Variants in TRPM3 observed in about 807,000 individuals in gnomAD.
TRPM3 encodes the protein long transient receptor potential channel 3.
Under a neutral mutation model 181.2 loss-of-function variants are expected in TRPM3, and 77 were observed. The observed-to-expected ratio is 0.42, with a 90% CI of 0.35 to 0.51. The LOEUF (loss-of-function observed/expected upper bound fraction) is 0.51. Among genes scored for constraint, TRPM3 ranks in the 20% least tolerant of loss-of-function variants. TRPM3 has a pLI of 0.01. For missense variants in TRPM3, 1,759 were observed against 2,196.7 expected, an observed-to-expected ratio of 0.80 and a Z score of 3.98; for synonymous variants, 745 against 796.4, an observed-to-expected ratio of 0.94 and a Z score of 1.09.
At chr9:70,959,840 C>T (rs1293414477) in intron 1 of TRPM3, among the ~76,000 whole-genome samples, 1 of 152,150 alleles carries the variant, frequency 6.6e-6, no homozygotes, top group Non-Finnish European at 1.5e-5. Flanking sequence ...TTCCATTTCA[C>T]AAAACACACA....
intron 1 of TRPM3, among the ~76,000 whole-genome samples, chr9:71,224,641 G>A (rs916097903): frequency 3.9e-5 from 6 of 151,942 alleles, no homozygotes; most frequent in African/African-American, 1.5e-4. Flanking sequence ...GAAATTCAAA[G>A]AAATTTAAGA....
chr9:71,079,375 A>G (rs779766803), intron 1 of TRPM3, among the ~76,000 whole-genome samples: 1 of 152,174 alleles, frequency 6.6e-6, no homozygotes, highest in Non-Finnish European at 1.5e-5. Context: ...CTTCTGTCAT[A>G]AGGAACTTGT....
At chr9:70,811,895 T>C (rs2092109989) in intron 6 of TRPM3, among the ~76,000 whole-genome samples, 1 of 152,188 alleles carries the variant, frequency 6.6e-6, no homozygotes, top group African/African-American at 2.4e-5. Flanking sequence ...TTTCTCTCTC[T>C]GGCCAAGGTA....
intron 11 of TRPM3, among the ~76,000 whole-genome samples, 199 bp downstream of exon 11, chr9:70,638,861 T>C (rs1482106410): frequency 2.0e-5 from 3 of 152,202 alleles, no homozygotes; most frequent in Admixed American, 2.0e-4. Flanking sequence ...CCTTACATGC[T>C]GACAACTGAG....
At chr9:71,007,239 G>C (rs145767797) in intron 1 of TRPM3, among the ~76,000 whole-genome samples, 2 of 151,500 alleles carry the variant, frequency 1.3e-5, no homozygotes, top group Non-Finnish European at 2.9e-5. Flanking sequence ...TAAAAGGAGA[G>C]ATTGACTATA....
chr9:71,094,653 A>G (rs937682845), intron 1 of TRPM3, among the ~76,000 whole-genome samples: 11 of 152,138 alleles, frequency 7.2e-5, no homozygotes, highest in Admixed American at 5.2e-4. Flanking sequence ...ATTTTCTTAT[A>G]GGGAAAGAGA....
intron 1 of TRPM3, among the ~76,000 whole-genome samples, chr9:70,904,353 G>A (rs1157114308): frequency 6.6e-6 from 1 of 152,212 alleles, no homozygotes; most frequent in African/African-American, 2.4e-5. Context: ...CTTCTGTGAA[G>A]TTACTTATTT....
chr9:71,287,247 G>C (rs1401156098), intron 1 of TRPM3, among the ~76,000 whole-genome samples: 1 of 151,194 alleles, frequency 6.6e-6, no homozygotes, highest in Non-Finnish European at 1.5e-5. Flanking sequence ...TTGTGTAAGA[G>C]AAACAATACC....
At position 70,761,810 on chromosome 9, in the gene TRPM3, A is replaced by G. The variant is rs572198985; in HGVS notation, c.1149-86T>C. The G allele has an allele frequency of 1.5e-5, 22 of 1,475,248 alleles. 1 individual carries two copies. The East Asian group carries it at 4.6e-4, about 31-fold the overall frequency. The allele number at this position is 1,475,248 out of a possible 1,614,324, so 91.4% of individuals were successfully genotyped here. On this transcript the variant is annotated intron_variant, in intron 7 of 25. Transcript: ENST00000677713. ...AGAAATACAGAGCTCAAGAGGAAAT[A>G]ATGAGGGTTTACTTTAGATAGGAGT...
chr9:71,255,367 A>G (rs1437100668), intron 1 of TRPM3, among the ~76,000 whole-genome samples: 1 of 152,236 alleles, frequency 6.6e-6, no homozygotes, highest in Admixed American at 6.5e-5. Flanking sequence ...TCCACTTGGA[A>G]AAAACTTTTA....
intron 1 of TRPM3, among the ~76,000 whole-genome samples, chr9:70,929,877 A>T (rs1240726453): frequency 6.6e-6 from 1 of 152,220 alleles, no homozygotes; most frequent in Non-Finnish European, 1.5e-5. Context: ...TAGGCCTCAG[A>T]ATTTCAGCTC....
At chr9:71,133,733 T>A (rs184740877) in intron 1 of TRPM3, among the ~76,000 whole-genome samples, 2 of 152,334 alleles carry the variant, frequency 1.3e-5, no homozygotes, top group Non-Finnish European at 2.9e-5. Context: ...TTTGATGATG[T>A]TGTTATTTAC....
intron 1 of TRPM3, among the ~76,000 whole-genome samples, chr9:71,414,839 T>C (rs1443586699): frequency 1.3e-5 from 2 of 152,184 alleles, no homozygotes; most frequent in African/African-American, 4.8e-5. Flanking sequence ...GGAAAGACCA[T>C]ATGTGCTTTG....
intron 1 of TRPM3, among the ~76,000 whole-genome samples, chr9:71,067,468 C>A (rs2062077193): frequency 6.6e-6 from 1 of 152,098 alleles, no homozygotes; most frequent in African/African-American, 2.4e-5. Flanking sequence ...AACAGCATGG[C>A]ACAATGATGA....
At chr9:70,753,374 T>C (rs957668130) in intron 8 of TRPM3, among the ~76,000 whole-genome samples, 16 of 152,118 alleles carry the variant, frequency 1.1e-4, no homozygotes, top group Admixed American at 7.2e-4. Context: ...TTGGAAAGAA[T>C]ATAAAAGATT....
chr9:71,152,147 A>G (rs1175182814), intron 1 of TRPM3, among the ~76,000 whole-genome samples: 2 of 152,138 alleles, frequency 1.3e-5, no homozygotes, highest in African/African-American at 4.8e-5. Context: ...CTCCTTGTTG[A>G]TAAGAATTTT....
intron 1 of TRPM3, among the ~76,000 whole-genome samples, chr9:71,320,311 A>G (rs2089085888): frequency 6.7e-6 from 1 of 148,942 alleles, no homozygotes; most frequent in African/African-American, 2.5e-5. Context: ...CATATTTGCA[A>G]TGTTAATTAA....
intron 1 of TRPM3, among the ~76,000 whole-genome samples, chr9:71,098,451 T>G (rs1322054317): frequency 6.6e-6 from 1 of 152,172 alleles, no homozygotes; most frequent in Non-Finnish European, 1.5e-5. Flanking sequence ...CGGTTTAACA[T>G]AACTACTTTC....
chr9:71,099,965 T>C (rs1373324972), intron 1 of TRPM3, among the ~76,000 whole-genome samples: 1 of 152,146 alleles, frequency 6.6e-6, no homozygotes, highest in African/African-American at 2.4e-5. Flanking sequence ...TTGTTTTATG[T>C]GTTTGACAGT....
Sources: gnomAD v4.1 joint callset for allele counts (sites outside exome capture counted in the v4.1 genomes callset) on GRCh38, gnomAD v4.1.1 for gene constraint, MANE v1.5 for transcripts, NCBI Gene and HGNC (gene_info 2026-07-23, HGNC 2026-07-21) for gene names.